The following NAF1 variants were observed in gnomAD, a reference collection of about 807,000 sequenced individuals.
NAF1 encodes the protein H/ACA ribonucleoprotein complex non-core subunit NAF1.
NAF1 carries 11 observed loss-of-function variants against 40.6 expected under a neutral mutation model. That is an observed-to-expected ratio of 0.27 (90% confidence interval 0.17 to 0.45). The LOEUF (loss-of-function observed/expected upper bound fraction) is 0.45. Among genes scored for constraint, NAF1 ranks in the 20% least tolerant of loss-of-function variants. NAF1 has a pLI of 1.00. For missense variants in NAF1, 607 were observed against 611.1 expected (o/e 0.99, Z 0.07); for synonymous variants, 260 against 228.5 (o/e 1.14, Z -1.24).
chr4:163,142,607 A>T (rs1731304416), intron 4 of NAF1, among the ~76,000 whole-genome samples: 1 of 152,254 alleles, frequency 6.6e-6, no homozygotes, highest in Admixed American at 6.5e-5. Flanking sequence ...AAATCATTAT[A>T]AAGTTTTAAG....
At position 163,146,134 on chromosome 4, in the gene NAF1, A is replaced by G. The variant is rs916784570; in HGVS notation, c.635-270T>C. Among the ~76,000 whole-genome samples, 5 of 152,224 alleles carry G rather than the reference A, an allele frequency of 3.3e-5. No homozygotes were observed. In the East Asian group the frequency reaches 9.6e-4, roughly 29 times the overall value. ...CCACAGAAAATCTGAATCATCCATT[A>G]AAGATTCAACAAATTCAAGCTATGT... On this transcript the variant is annotated intron_variant, in intron 3 of 7. Coordinates refer to ENST00000274054, the MANE Select transcript of NAF1 (RefSeq NM_138386.3).
At position 163,166,371 on chromosome 4, in the gene NAF1, G is replaced by C. The variant is rs553095622; in HGVS notation, c.357C>G (p.Asp119Glu). Residue 119 changes from aspartate (D) to glutamate (E), a missense_variant, in exon 1 of 8, where the codon GAC (aspartate) becomes GAG (glutamate). Asp to Glu is a conservative substitution (Grantham distance 45). Transcript: ENST00000274054. Reference sequence around the variant, plus strand: ...TCCCTTAGGCACCCGACCTGTCCGAGTCCGAATCCGAGTCCGAGGTCTCCA... The same window carrying C: ...TCCCTTAGGCACCCGACCTGTCCGACTCCGAATCCGAGTCCGAGGTCTCCA... ...DSLETSDSDSDSDSETDSDSS... is the reference protein window; with the variant it reads ...DSLETSDSDSESDSETDSDSS... The C allele has an allele frequency of 1.0e-4, 163 of 1,601,938 alleles. No homozygotes were observed. In the African/African-American group the frequency reaches 2.0e-3, roughly 20 times the overall value.
intron 1 of NAF1, among the ~76,000 whole-genome samples, chr4:163,165,955 T>A (rs1216092355): frequency 6.6e-6 from 1 of 151,998 alleles, no homozygotes; most frequent in Non-Finnish European, 1.5e-5. Flanking sequence ...TGTATGTGGT[T>A]CAAAAAACAA....
intron 2 of NAF1, 69 bp downstream of exon 2, chr4:163,164,148 T>C (rs1420762817): frequency 7.2e-7 from 1 of 1,379,428 alleles, no homozygotes; most frequent in African/African-American, 1.5e-5. Context: ...TAGGCAAAAT[T>C]AGATCAATAC....
intron 2 of NAF1, among the ~76,000 whole-genome samples, chr4:163,112,369 G>A (rs190480695): frequency 6.6e-6 from 1 of 152,262 alleles, no homozygotes; most frequent in Admixed American, 6.5e-5. Context: ...ATCACAGGTT[G>A]GATTCACTGG....
At chr4:163,161,108 G>A (rs1732200605) in intron 2 of NAF1, among the ~76,000 whole-genome samples, 1 of 151,884 alleles carries the variant, frequency 6.6e-6, no homozygotes, top group South Asian at 2.1e-4. Flanking sequence ...GCCAGTTCAT[G>A]GGACACTGAA....
At chr4:163,156,916 T>C (rs1292271941) in intron 2 of NAF1, 1 of 152,166 alleles carries the variant, frequency 6.6e-6, no homozygotes, top group East Asian at 1.9e-4. Context: ...AATGAAATTT[T>C]TGTAAATGTT....
chr4:163,166,342 C>T, intron 1 of NAF1, 21 bp downstream of exon 1: 1 of 1,564,914 alleles, frequency 6.4e-7, no homozygotes, highest in East Asian at 2.3e-5. Flanking sequence ...CCCACAGCTC[C>T]GGGTCCCTTA....
At chr4:163,150,864 G>A (rs1186635190) in intron 2 of NAF1, among the ~76,000 whole-genome samples, 2 of 151,974 alleles carry the variant, frequency 1.3e-5, no homozygotes, top group East Asian at 1.9e-4. Context: ...AAAAAGTCAC[G>A]TCAATTCACA....
At chr4:163,133,094 A>G in intron 7 of NAF1, 60 bp downstream of exon 7, 1 of 1,370,982 alleles carries the variant, frequency 7.3e-7, no homozygotes. Context: ...TTTATTATTG[A>G]TAAACTTATA....
downstream of NAF1, among the ~76,000 whole-genome samples, chr4:163,125,605 T>G (rs1448437854): frequency 6.6e-6 from 1 of 152,180 alleles, no homozygotes; most frequent in African/African-American, 2.4e-5. Flanking sequence ...TAGCAGAGGT[T>G]GGCTCATGAG....
chr4:163,165,601 T>C (rs1442756033), intron 1 of NAF1, among the ~76,000 whole-genome samples: 1 of 152,196 alleles, frequency 6.6e-6, no homozygotes, highest in Non-Finnish European at 1.5e-5. Context: ...CGCTGATGAC[T>C]TCCCTGAAAA....
Position 163,156,629 on chromosome 4 carries a change from C to T in NAF1, c.540+7588G>A, listed in dbSNP as rs540643417. ...CACAGCACTGCTTTACATTCTCACACATCAAAAAAGCCCTCCATTACAAAA... is the reference window on the plus strand; with the variant it reads ...CACAGCACTGCTTTACATTCTCACATATCAAAAAAGCCCTCCATTACAAAA... On this transcript the variant is annotated intron_variant, in intron 2 of 7. Transcript: ENST00000274054. Among the ~76,000 whole-genome samples, 6 of 152,186 alleles carry T rather than the reference C, an allele frequency of 3.9e-5. No homozygotes were observed. The South Asian group carries it at 1.2e-3, about 32-fold the overall frequency.
rs187502106 is a variant in NAF1, at chr4:163,153,708, C to T, written c.541-5274G>A. ...CAGGGATTGTAAACCCACCAATCAG[C>T]GCCCTGACAAAACAGGCCACTCGGC... On this transcript the variant is annotated intron_variant, in intron 2 of 7. Coordinates refer to ENST00000274054, the MANE Select transcript of NAF1 (RefSeq NM_138386.3). Among the ~76,000 whole-genome samples the T allele has an allele frequency of 2.9e-4, 44 of 152,266 alleles. No individual in the cohort carries two copies. The East Asian group carries it at 7.6e-3, about 26-fold the overall frequency.
rs1006287855 is a variant in NAF1 at position 163,153,963 on chromosome 4, G to A, written c.541-5529C>T. ...TCACTCCTGAAGCCAGCGAGACCAC[G>A]AGCCCACTGGGAGGAACAAACAACT... is the stretch of plus-strand genomic sequence containing the variant. On this transcript the variant is annotated intron_variant, in intron 2 of 7. Transcript: ENST00000274054. 3.9e-5 allele frequency among the ~76,000 whole-genome samples: 6 copies of A among 151,936 alleles called. No individual in the cohort carries two copies. The East Asian group carries it at 7.7e-4, about 20-fold the overall frequency.
At chr4:163,110,259 C>T (rs1175688702) in exon 3 of NAF1, 15 of 700,896 alleles carry the variant, frequency 2.1e-5, no homozygotes, top group African/African-American at 3.5e-5. Flanking sequence ...TGTCACTTTT[C>T]GTGGTTTCAG....
intron 2 of NAF1, among the ~76,000 whole-genome samples, chr4:163,117,680 TACACACACACACACACACAC>T (rs55869899): frequency 3.7e-5 from 5 of 134,852 alleles, no homozygotes; most frequent in South Asian, 2.5e-4. Context: ...CTGGAAGCAA[TACACACACACACACACACAC>T]ACACACACAC....
At position 163,164,365 on chromosome 4, in the gene NAF1, G is replaced by A. The variant is rs904885615; in HGVS notation, c.392C>T (p.Ser131Leu). Residue 131 changes from serine (S) to leucine (L), a missense_variant, in exon 2 of 8, where the codon TCA becomes TTA. Coordinates refer to ENST00000274054, the MANE Select transcript of NAF1 (RefSeq NM_138386.3). ...DSETDSDSSS[S>L]SSSSSSSSSS... ...TGAGGAAGATGAAGAGGAAGACGAT[G>A]AACTTGAACTATCTGAATCTGTTTC... is the stretch of plus-strand genomic sequence containing the variant. 14 of 1,585,716 alleles carry A rather than the reference G, an allele frequency of 8.8e-6. No individual in the cohort carries two copies. Among genetic ancestry groups the A allele is most frequent in the Non-Finnish European group, 1.2e-5 (14 of 1,166,308 alleles).
downstream of NAF1, among the ~76,000 whole-genome samples, chr4:163,122,845 T>A (rs1730554397): frequency 6.6e-6 from 1 of 152,178 alleles, no homozygotes; most frequent in African/African-American, 2.4e-5. Flanking sequence ...ATATTGGACT[T>A]CCCAGACTCC....
Sources: gnomAD v4.1 joint callset for allele counts (sites outside exome capture counted in the v4.1 genomes callset) on GRCh38, gnomAD v4.1.1 for gene constraint, MANE v1.5 for transcripts, NCBI Gene and HGNC (gene_info 2026-07-23, HGNC 2026-07-21) for gene names.